Variants in ZNF572 observed in about 807,000 individuals in gnomAD.
ZNF572 encodes the protein zinc finger protein 572.
In ZNF572, 2 loss-of-function variants were observed where a neutral mutation model predicts 3.8. That is an observed-to-expected ratio of 0.52 (90% CI 0.21 to 1.65). The LOEUF (loss-of-function observed/expected upper bound fraction) is 1.65, where lower values mean the gene tolerates loss of function less well. ZNF572 is among the 40% of genes most tolerant of loss of function. The pLI is 0.20. For missense variants in ZNF572, 581 were observed against 633.4 expected (o/e 0.92, Z 0.89); for synonymous variants, 187 against 204.5 (o/e 0.91, Z 0.73).
In ZNF572 at chr8:124,979,372, C is replaced by T. The variant is rs1470086292; in HGVS notation, c.*1514C>T. On this transcript the variant is annotated 3_prime_UTR_variant, in exon 3 of 3. Coordinates refer to ENST00000319286, the MANE Select transcript of ZNF572 (RefSeq NM_152412.3). Reference sequence around the variant, plus strand: ...TTGTTATTTGATTACAAAAATAAAGCAAAAACTAACAAATAAAGGTATTGG... The same window carrying T: ...TTGTTATTTGATTACAAAAATAAAGTAAAAACTAACAAATAAAGGTATTGG... The T allele has an allele frequency of 6.6e-6, 1 of 151,832 alleles. No homozygotes were observed. The allele number at this position is 151,832 out of a possible 1,614,324, so 9.4% of individuals were successfully genotyped here. A position where few individuals can be genotyped will look rare whatever the true frequency, so the allele number is the denominator to read the frequency against.
chr8:124,976,396 A>G lies in ZNF572; in HGVS notation c.128A>G (p.Lys43Arg). 6.2e-7 allele frequency: 1 copy of G among 1,610,480 alleles called. No homozygotes were observed. Among genetic ancestry groups the G allele is most frequent in the Non-Finnish European group, 8.5e-7 (1 of 1,178,450 alleles). The change falls in exon 3 of 3, where the codon AAG becomes AGG. Residue 43 changes from lysine to arginine, a missense_variant. Physicochemically the swap from Lys to Arg is conservative, Grantham distance 26. Coordinates refer to ENST00000319286, the MANE Select transcript of ZNF572 (RefSeq NM_152412.3). ...NLETVHHNNS[K>R]ADKLKEKPSE... ...GAAACTGTTCACCACAATAATTCTAAGGCAGATAAACTTAAAGAGAAACCT... is the reference window on the plus strand; with the variant it reads ...GAAACTGTTCACCACAATAATTCTAGGGCAGATAAACTTAAAGAGAAACCT...
At chr8:124,975,931 C>T (rs538771639) in intron 2 of ZNF572, among the ~76,000 whole-genome samples, 2 of 152,328 alleles carry the variant, frequency 1.3e-5, no homozygotes, top group Admixed American at 6.5e-5. Context: ...TCCAAAGCTA[C>T]TGTTCTTAAT....
Position 124,977,932 on chromosome 8 carries a change from G to A in ZNF572, c.*74G>A. 6.9e-7 allele frequency: 1 copy of A among 1,445,810 alleles called. No homozygotes were observed. 89.6% of individuals were successfully genotyped at this position (1,445,810 alleles called of 1,614,324 possible). Reference sequence around the variant, plus strand: ...ACAATTTAGGTATTCTGTGATTGTTGTGCTATAAAGTTTCTTTGATGTGTT... The same window carrying A: ...ACAATTTAGGTATTCTGTGATTGTTATGCTATAAAGTTTCTTTGATGTGTT... On this transcript the variant is annotated 3_prime_UTR_variant, in exon 3 of 3. Coordinates refer to ENST00000319286, the MANE Select transcript of ZNF572 (RefSeq NM_152412.3).
At position 124,976,706 on chromosome 8, in the gene ZNF572, T is replaced by C. The variant is rs1400357684; in HGVS notation, c.438T>C (p.His146=). The C allele has an allele frequency of 6.2e-7, 1 of 1,614,196 alleles. No individual in the cohort carries two copies. Among genetic ancestry groups the C allele is most frequent in the East Asian group, 2.2e-5 (1 of 44,886 alleles). Residue 146 remains histidine (H), a synonymous_variant, in exon 3 of 3, where the codon CAT becomes CAC. Coordinates refer to ENST00000319286, the MANE Select transcript of ZNF572 (RefSeq NM_152412.3). ...GGAAAAGCTTCAGTAATAGTTCTCATTTGCGTACTCACCAGAGGACCCACT... is the reference window on the plus strand; with the variant it reads ...GGAAAAGCTTCAGTAATAGTTCTCACTTGCGTACTCACCAGAGGACCCACT... ...ECWKSFSNSS[H]LRTHQRTHSG... is the part of the protein sequence containing the mutation.
In ZNF572 at chr8:124,977,236, C is replaced by A; in HGVS notation, c.968C>A (p.Thr323Lys). ...STLIKHQRIHTGEKPYQCPEC... is the reference protein window; with the variant it reads ...STLIKHQRIHKGEKPYQCPEC... ...CTAATAAAACATCAGAGAATACATA[C>A]AGGAGAAAAGCCTTATCAATGTCCA... is the stretch of plus-strand genomic sequence containing the variant. Residue 323 changes from threonine to lysine, a missense_variant, in exon 3 of 3, where the codon ACA (threonine) becomes AAA (lysine). Thr to Lys is a moderately conservative substitution (Grantham distance 78, BLOSUM62 -1). Transcript: ENST00000319286. 21 of 1,613,274 alleles carry A rather than the reference C, an allele frequency of 1.3e-5. No individual in the cohort carries two copies. The highest frequency in any genetic ancestry group is 1.8e-5 in the Non-Finnish European group (21 of 1,180,016).
rs1323114705 is a variant in ZNF572, at chr8:124,979,302, A to G, written c.*1444A>G. Reference sequence around the variant, plus strand: ...CATGGGGGTTATTTTATCTTTCATGATTGTGGTGCACCTGATGCTGGCGGG... The same window carrying G: ...CATGGGGGTTATTTTATCTTTCATGGTTGTGGTGCACCTGATGCTGGCGGG... On this transcript the variant is annotated 3_prime_UTR_variant, in exon 3 of 3. Coordinates refer to ENST00000319286, the MANE Select transcript of ZNF572 (RefSeq NM_152412.3). 1.3e-5 allele frequency: 2 copies of G among 152,418 alleles called. No individual in the cohort carries two copies. Among genetic ancestry groups the G allele is most frequent in the Non-Finnish European group, 2.9e-5 (2 of 68,022 alleles). The allele number at this position is 152,418 out of a possible 1,614,324, so 9.4% of individuals were successfully genotyped here. A position where few individuals can be genotyped will look rare whatever the true frequency, so the allele number is the denominator to read the frequency against.
In ZNF572 at chr8:124,976,983, AC is replaced by A; in HGVS notation, c.716del (p.Thr239LysfsTer21). 6.2e-7 allele frequency: 1 copy of A among 1,614,164 alleles called. No individual in the cohort carries two copies. Among genetic ancestry groups the A allele is most frequent in the Non-Finnish European group, 8.5e-7 (1 of 1,180,024 alleles). On this transcript the variant is annotated frameshift_variant, in exon 3 of 3. Coordinates refer to ENST00000319286, the MANE Select transcript of ZNF572 (RefSeq NM_152412.3). LOFTEE classifies it low-confidence loss of function (END_TRUNC). ...CCTTATTCAGCATCACAGATCACATACAGGTGAAAAACCATATGAATGTTCT... is the reference window on the plus strand; with the variant it reads ...CCTTATTCAGCATCACAGATCACATAAGGTGAAAAACCATATGAATGTTCT... Reference protein sequence around the residue: ...SHLIQHHRSHTGEKPYECSVC... With the variant: ...SHLIQHHRSHXGEKPYECSVC...
rs770591313 is a variant in ZNF572 at position 124,977,644 on chromosome 8, G to A, written c.1376G>A (p.Arg459Gln). 50 of 1,614,022 alleles carry A rather than the reference G, an allele frequency of 3.1e-5. No individual in the cohort carries two copies. Among genetic ancestry groups the A allele is most frequent in the Middle Eastern group, 3.3e-4 (2 of 6,084 alleles). ...FSQSFNLIRH[R>Q]RTHIGEKPYK... ...CAGAGCTTTAACCTTATCAGGCACC[G>A]GAGGACCCACATAGGGGAAAAACCT... The change falls in exon 3 of 3, where the codon CGG becomes CAG. Residue 459 changes from arginine (R) to glutamine (Q), a missense_variant. Coordinates refer to ENST00000319286, the MANE Select transcript of ZNF572 (RefSeq NM_152412.3).
In ZNF572 at chr8:124,973,605, G is replaced by A. The variant is rs148786321; in HGVS notation, c.-36+189G>A. ...GGTCCCTTACGGGATCTTGTCGGCCGGAGACCGTCTGGTATCCTGGAACTT... is the reference window on the plus strand; with the variant it reads ...GGTCCCTTACGGGATCTTGTCGGCCAGAGACCGTCTGGTATCCTGGAACTT... On this transcript the variant is annotated intron_variant, in intron 1 of 2. Coordinates refer to ENST00000319286, the MANE Select transcript of ZNF572 (RefSeq NM_152412.3). Among the ~76,000 whole-genome samples, 384 of 152,306 alleles carry A rather than the reference G, an allele frequency of 2.5e-3. 1 individual carries two copies. Among genetic ancestry groups the A allele is most frequent in the African/African-American group, 8.9e-3 (369 of 41,550 alleles).
intron 1 of ZNF572, among the ~76,000 whole-genome samples, chr8:124,974,034 G>GT (rs1385109460): frequency 2.6e-5 from 4 of 152,038 alleles, no homozygotes; most frequent in African/African-American, 4.8e-5. Context: ...CAGGTGTATG[G>GT]TTTTTTCTCC....
chr8:124,977,642 C>T lies in ZNF572; in HGVS notation c.1374C>T (p.His458=). 1 of 1,614,180 alleles carries T rather than the reference C, an allele frequency of 6.2e-7. No individual in the cohort carries two copies. Among genetic ancestry groups the T allele is most frequent in the Non-Finnish European group, 8.5e-7 (1 of 1,180,010 alleles). Residue 458 remains histidine (H), a synonymous_variant, in exon 3 of 3, where the codon CAC becomes CAT. Coordinates refer to ENST00000319286, the MANE Select transcript of ZNF572 (RefSeq NM_152412.3). ...GTCAGAGCTTTAACCTTATCAGGCA[C>T]CGGAGGACCCACATAGGGGAAAAAC... The part of the protein sequence containing the change: ...SFSQSFNLIR[H]RRTHIGEKPY...
In ZNF572 at chr8:124,976,920, T is replaced by C; in HGVS notation, c.652T>C (p.Cys218Arg). Residue 218 changes from cysteine (C) to arginine (R), a missense_variant, in exon 3 of 3, where the codon TGT becomes CGT. Physicochemically the swap from Cys to Arg is radical, Grantham distance 180 (BLOSUM62 -3). Transcript: ENST00000319286. ...RTHTGEKPYK[C>R]PECGKRFSSS... is the part of the protein sequence containing the mutation. The stretch of plus-strand genomic sequence containing the variant: ...TCACACGGGAGAGAAACCCTACAAA[T>C]GTCCCGAGTGTGGGAAGAGATTCAG... The C allele has an allele frequency of 6.2e-7, 1 of 1,614,132 alleles. No homozygotes were observed. The highest frequency in any genetic ancestry group is 1.1e-5 in the South Asian group (1 of 91,078).
In ZNF572 at chr8:124,977,509, G is replaced by A; in HGVS notation, c.1241G>A (p.Cys414Tyr). Residue 414 changes from cysteine (C) to tyrosine (Y), a missense_variant, in exon 3 of 3, where the codon TGT becomes TAT. By Grantham distance (194) the Cys-to-Tyr change is radical. Coordinates refer to ENST00000319286, the MANE Select transcript of ZNF572 (RefSeq NM_152412.3). ...RTHTGEKPYR[C>Y]SECWKTFSQS... ...CATACAGGAGAAAAACCTTACAGAT[G>A]TTCTGAGTGCTGGAAAACTTTCAGT... 10 of 1,614,182 alleles carry A rather than the reference G, an allele frequency of 6.2e-6. No homozygotes were observed. The highest frequency in any genetic ancestry group is 8.5e-6 in the Non-Finnish European group (10 of 1,180,014).
In ZNF572 at chr8:124,978,767, A is replaced by G. The variant is rs747264485; in HGVS notation, c.*909A>G. ...ACTGTCTTGACCAAAGCCAGAATAGAAGGCAGGATTCCTGAATTCTATCTT... is the reference window on the plus strand; with the variant it reads ...ACTGTCTTGACCAAAGCCAGAATAGGAGGCAGGATTCCTGAATTCTATCTT... On this transcript the variant is annotated 3_prime_UTR_variant, in exon 3 of 3. Transcript: ENST00000319286. 1 of 152,218 alleles carries G rather than the reference A, an allele frequency of 6.6e-6. No homozygotes were observed. Among genetic ancestry groups the G allele is most frequent in the Non-Finnish European group, 1.5e-5 (1 of 68,040 alleles). 9.4% of individuals were successfully genotyped at this position (152,218 alleles called of 1,614,324 possible).
chr8:124,973,775 C>T (rs963698020), intron 1 of ZNF572, among the ~76,000 whole-genome samples: 2 of 152,190 alleles, frequency 1.3e-5, no homozygotes, highest in African/African-American at 2.4e-5. Flanking sequence ...ACACTCCTTC[C>T]CCGTGGAGAG....
intron 2 of ZNF572, 67 bp downstream of exon 2, chr8:124,975,786 T>C: frequency 1.6e-6 from 2 of 1,233,658 alleles, no homozygotes; most frequent in South Asian, 2.5e-5. Context: ...GACACTAGAA[T>C]GAGACAAACC....
chr8:124,975,570 C>T (rs1452147242), intron 1 of ZNF572, 36 bp from the exon 2 acceptor site: 1 of 1,293,130 alleles, frequency 7.7e-7, no homozygotes, highest in Non-Finnish European at 1.1e-6. Context: ...TAAGCTTTAA[C>T]AAATACCTCC....
Position 124,977,904 on chromosome 8 carries a change from A to G in ZNF572, c.*46A>G. ...ATGGTTTTTTCTTCCTTGTTGGACC[A>G]TGACAATTTAGGTATTCTGTGATTG... On this transcript the variant is annotated 3_prime_UTR_variant, in exon 3 of 3. Coordinates refer to ENST00000319286, the MANE Select transcript of ZNF572 (RefSeq NM_152412.3). 1 of 1,510,242 alleles carries G rather than the reference A, an allele frequency of 6.6e-7. No homozygotes were observed. The highest frequency in any genetic ancestry group is 1.3e-5 in the South Asian group (1 of 74,408). The allele number at this position is 1,510,242 out of a possible 1,614,324, so 93.6% of individuals were successfully genotyped here.
At chr8:124,975,480 T>C (rs1814495449) in intron 1 of ZNF572, 126 bp from the exon 2 acceptor site, 6 of 566,348 alleles carry the variant, frequency 1.1e-5, no homozygotes, top group Non-Finnish European at 1.6e-5. Flanking sequence ...AAGTTGTGTT[T>C]CTTATTTTCG....
Sources: gnomAD v4.1 joint callset for allele counts (sites outside exome capture counted in the v4.1 genomes callset) on GRCh38, gnomAD v4.1.1 for gene constraint, MANE v1.5 for transcripts, NCBI Gene and HGNC (gene_info 2026-07-23, HGNC 2026-07-21) for gene names.